The following PPM1M variants were observed in gnomAD, a reference collection of about 807,000 sequenced individuals.
PPM1M encodes protein phosphatase 1M.
PPM1M carries 44 observed loss-of-function variants against 50.8 expected under a neutral mutation model. The ratio of observed to expected loss-of-function variants is 0.87; its 90% CI spans 0.68 to 1.11. The LOEUF is 1.11. Among genes scored for constraint, PPM1M ranks in the 50% most tolerant of loss-of-function variants. PPM1M has a pLI of 0.00. For synonymous variants in PPM1M, 224 were observed against 242.9 expected (o/e 0.92, Z 0.72); for missense variants, 556 against 593.4 (o/e 0.94, Z 0.66).
chr3:52,248,522 GC>G (rs1559447983), intron 6 of PPM1M, 69 bp downstream of exon 6: 3 of 1,589,990 alleles, frequency 1.9e-6, no homozygotes, highest in African/African-American at 2.7e-5. Context: ...ATGGCCTGGG[GC>G]CCCCCTCCAC....
At chr3:52,248,895 C>G in intron 7 of PPM1M, 61 bp from the exon 8 acceptor site, 2 of 1,364,940 alleles carry the variant, frequency 1.5e-6, no homozygotes, top group Non-Finnish European at 2.1e-6. Context: ...AGTGCTAGGG[C>G]CTGGTACTTG....
Position 52,247,017 on chromosome 3 carries a change from G to T in PPM1M, c.386G>T (p.Gly129Val), listed in dbSNP as rs1046167094. ...TGGGCACTGTTCGATGGGCACGGCG[G>T]TCCTGCAGCAGCCATCTTGGCTGCC... is the stretch of plus-strand genomic sequence containing the variant. Reference protein sequence around the residue: ...HYWALFDGHGGPAAAILAANT... With the variant: ...HYWALFDGHGVPAAAILAANT... The change falls in exon 3 of 10, where the codon GGT becomes GTT. Residue 129 changes from glycine (G) to valine (V), a missense_variant. Gly to Val is a moderately radical substitution (Grantham distance 109). Transcript: ENST00000323588. The T allele has an allele frequency of 1.3e-6, 2 of 1,549,838 alleles. No individual in the cohort carries two copies.
chr3:52,246,544 A>G (rs879238980), intron 1 of PPM1M, 151 bp from the exon 2 acceptor site: 3 of 491,256 alleles, frequency 6.1e-6, no homozygotes, highest in South Asian at 5.9e-5. Context: ...TAGGAAGCTT[A>G]CATCGTGGTT....
rs1286954996 is a variant in PPM1M at position 52,249,277 on chromosome 3, G to A, written c.1190G>A (p.Trp397Ter). 2 of 1,612,824 alleles carry A rather than the reference G, an allele frequency of 1.2e-6. No homozygotes were observed. Among genetic ancestry groups the A allele is most frequent in the Non-Finnish European group, 1.7e-6 (2 of 1,179,382 alleles). The change falls in exon 9 of 10, where the codon TGG becomes TAG. Residue 397 changes from tryptophan to a stop codon, truncating the protein, a stop_gained. Transcript: ENST00000323588. LOFTEE classifies it high-confidence loss of function. ...WDVLSNEQVAWLVRSFLPGNQ... is the reference protein window; with the variant it reads ...WDVLSNEQVA ...GTACTGTCCAACGAGCAGGTGGCAT[G>A]GCTGGTGCGGAGCTTCCTCCCTGGG... is the stretch of plus-strand genomic sequence containing the variant.
At chr3:52,248,478 G>A in intron 6 of PPM1M, 25 bp downstream of exon 6, 19 of 1,604,390 alleles carry the variant, frequency 1.2e-5, no homozygotes, top group Non-Finnish European at 1.6e-5. Context: ...GGGACAGGTA[G>A]GAAGGGAGAC....
In PPM1M at chr3:52,249,635, G is replaced by C. The variant is rs1320827874; in HGVS notation, c.1236-35G>C. 6 of 1,611,850 alleles carry C rather than the reference G, an allele frequency of 3.7e-6. No individual in the cohort carries two copies. The Middle Eastern group carries it at 5.0e-4, about 133-fold the overall frequency. On this transcript the variant is annotated intron_variant, in intron 9 of 9. Transcript: ENST00000323588. ...AGGTCTGGCCTTGCCCCTTTGCTCT[G>C]CCCCTGAAGTCTATCTGCAGGATGG...
Position 52,248,408 on chromosome 3 carries a change from A to C in PPM1M, c.869A>C (p.Asp290Ala). 1 of 1,613,812 alleles carries C rather than the reference A, an allele frequency of 6.2e-7. No homozygotes were observed. The highest frequency in any genetic ancestry group is 8.5e-7 in the Non-Finnish European group (1 of 1,179,808). Residue 290 changes from aspartate to alanine, a missense_variant, in exon 6 of 10, where the codon GAC becomes GCC. By Grantham distance (126) the Asp-to-Ala change is moderately radical. Coordinates refer to ENST00000323588, the MANE Select transcript of PPM1M (RefSeq NM_144641.4). ...LEFPRRLKGD[D>A]LGQKVLFRDH... ...TTCCCTCGGCGGCTGAAGGGGGATG[A>C]CTTGGGACAGAAGGTTTTGTTCAGG...
rs772773123 is a variant in PPM1M at position 52,248,572 on chromosome 3, C to T, written c.915-65C>T. 3.2e-5 allele frequency: 51 copies of T among 1,601,564 alleles called. No homozygotes were observed. In the East Asian group the frequency reaches 1.1e-3, roughly 34 times the overall value. On this transcript the variant is annotated intron_variant, in intron 6 of 9. Coordinates refer to ENST00000323588, the MANE Select transcript of PPM1M (RefSeq NM_144641.4). The stretch of plus-strand genomic sequence containing the variant: ...CACTGTGAGGGTGTGACAGCTGGGC[C>T]CTGAGTTGGGGAAAGATGAGATGGG...
rs765094830 is a variant in PPM1M, at chr3:52,248,687, G to C, written c.965G>C (p.Gly322Ala). 1.2e-6 allele frequency: 2 copies of C among 1,613,904 alleles called. No homozygotes were observed. The highest frequency in any genetic ancestry group is 1.7e-6 in the Non-Finnish European group (2 of 1,179,840). The change falls in exon 7 of 10, where the codon GGA (glycine) becomes GCA (alanine). Residue 322 changes from glycine (G) to alanine (A), a missense_variant. By Grantham distance (60) the Gly-to-Ala change is moderately conservative. Coordinates refer to ENST00000323588, the MANE Select transcript of PPM1M (RefSeq NM_144641.4). ...GATCTCAAGTACCCACTGATCCATGGACAGGGTAGGCAGGTCAGTGCCTGG... is the reference window on the plus strand; with the variant it reads ...GATCTCAAGTACCCACTGATCCATGCACAGGGTAGGCAGGTCAGTGCCTGG... ...KSDLKYPLIHGQGRQARLLGT... is the reference protein window; with the variant it reads ...KSDLKYPLIHAQGRQARLLGT...
Position 52,249,213 on chromosome 3 carries a change from G to T in PPM1M, c.1126G>T (p.Asp376Tyr), listed in dbSNP as rs1200987936. 3 of 1,613,928 alleles carry T rather than the reference G, an allele frequency of 1.9e-6. No individual in the cohort carries two copies. In the South Asian group the frequency reaches 3.3e-5, roughly 18 times the overall value. The change falls in exon 9 of 10, where the codon GAT becomes TAT. Residue 376 changes from aspartate to tyrosine, a missense_variant. By Grantham distance (160) the Asp-to-Tyr change is radical. Coordinates refer to ENST00000323588, the MANE Select transcript of PPM1M (RefSeq NM_144641.4). ...LDVDQLELQE[D>Y]DVVVMATDGL... is the part of the protein sequence containing the mutation. ...TGTGGACCAGCTGGAGCTACAGGAG[G>T]ATGATGTGGTTGTCATGGCAACTGA... is the stretch of plus-strand genomic sequence containing the variant.
rs372981697 is a variant in PPM1M, at chr3:52,248,157, A to T, written c.715A>T (p.Ile239Phe). The change falls in exon 5 of 10, where the codon ATC (isoleucine) becomes TTC (phenylalanine). Residue 239 changes from isoleucine (I) to phenylalanine (F), a missense_variant. By Grantham distance (21) the Ile-to-Phe change is conservative. Transcript: ENST00000323588. ...TCCCTTCTCTCCTCAATCCAGGGCC[A>T]TCTTGGTGCGGAGAGATGAGATACG... The part of the protein sequence containing the change: ...YMANAGDSRA[I>F]LVRRDEIRPL... 4.3e-6 allele frequency: 7 copies of T among 1,611,324 alleles called. No individual in the cohort carries two copies. The highest frequency in any genetic ancestry group is 5.1e-6 in the Non-Finnish European group (6 of 1,178,854).
chr3:52,249,212 GGAT>G lies in PPM1M; in HGVS notation c.1130_1132del (p.Asp377del), dbSNP rs866527615. The G allele has an allele frequency of 3.1e-6, 5 of 1,613,818 alleles. No individual in the cohort carries two copies. Among genetic ancestry groups the G allele is most frequent in the Non-Finnish European group, 3.4e-6 (4 of 1,179,846 alleles). ...ATGTGGACCAGCTGGAGCTACAGGA[GGAT>G]GATGTGGTTGTCATGGCAACTGATG... On this transcript the variant is annotated inframe_deletion, in exon 9 of 10. Coordinates refer to ENST00000323588, the MANE Select transcript of PPM1M (RefSeq NM_144641.4).
At chr3:52,246,620 T>C (rs1001849833) in intron 1 of PPM1M, 75 bp from the exon 2 acceptor site, 2 of 963,044 alleles carry the variant, frequency 2.1e-6, no homozygotes, top group African/African-American at 3.4e-5. Context: ...CTTCTCCCTG[T>C]GCTGGCTTGG....
intron 9 of PPM1M, 139 bp downstream of exon 9, chr3:52,249,461 A>G (rs936754465): frequency 1.5e-6 from 2 of 1,294,218 alleles, no homozygotes; most frequent in Non-Finnish European, 2.2e-6. Context: ...TTCTTGGAGG[A>G]GGCAGGGAGA....
chr3:52,248,482 G>A (rs758681153), intron 6 of PPM1M, 29 bp downstream of exon 6: 191 of 1,604,214 alleles, frequency 1.2e-4, no homozygotes, highest in Non-Finnish European at 1.2e-4. Context: ...CAGGTAGGAA[G>A]GGAGACCCCT....
At chr3:52,247,633 G>C (rs1016276061) in intron 3 of PPM1M, 49 bp from the exon 4 acceptor site, 1 of 1,225,058 alleles carries the variant, frequency 8.2e-7, no homozygotes, top group African/African-American at 1.5e-5. Context: ...AGACAAAGTA[G>C]TATGGTGGCA....
chr3:52,248,336 C>T lies in PPM1M; in HGVS notation c.797C>T (p.Ala266Val), dbSNP rs1699898465. The change falls in exon 6 of 10, where the codon GCC becomes GTC. Residue 266 changes from alanine to valine, a missense_variant and splice_region_variant. Ala to Val is a moderately conservative substitution (Grantham distance 64). Transcript: ENST00000323588. Reference sequence around the variant, plus strand: ...CTGAGCGCAGCCTCCCCACCCCAGGCCTTTGTCTATCCTGAGCTTCTGGCT... The same window carrying T: ...CTGAGCGCAGCCTCCCCACCCCAGGTCTTTGTCTATCCTGAGCTTCTGGCT... ...ETERQRIQQL[A>V]FVYPELLAGE... The T allele has an allele frequency of 1.9e-6, 3 of 1,611,288 alleles. No individual in the cohort carries two copies.
rs773210447 is a variant in PPM1M at position 52,247,702 on chromosome 3, G to C, written c.618G>C (p.Glu206Asp). 3 of 1,603,868 alleles carry C rather than the reference G, an allele frequency of 1.9e-6. No homozygotes were observed. Residue 206 changes from glutamate (E) to aspartate (D), a missense_variant, in exon 4 of 10, where the codon GAG becomes GAC. By Grantham distance (45) the Glu-to-Asp change is conservative. Transcript: ENST00000323588. ...FQECDEVIGR[E>D]LEASGQMGGC... Reference sequence around the variant, plus strand: ...CCCAGGATGAGGTGATCGGGCGGGAGCTGGAGGCCTCAGGCCAGATGGGCG... The same window carrying C: ...CCCAGGATGAGGTGATCGGGCGGGACCTGGAGGCCTCAGGCCAGATGGGCG...
intron 1 of PPM1M, 183 bp from the exon 2 acceptor site, chr3:52,246,511 CT>C: frequency 3.8e-6 from 2 of 525,138 alleles, no homozygotes; most frequent in Non-Finnish European, 6.0e-6. Flanking sequence ...TGACTTTTAC[CT>C]TAGCCATGAG....
Sources: gnomAD v4.1 joint callset for allele counts on GRCh38, gnomAD v4.1.1 for gene constraint, MANE v1.5 for transcripts, NCBI Gene and HGNC (gene_info 2026-07-23, HGNC 2026-07-21) for gene names.